The following SIPA1L3 variants were observed in gnomAD, a reference collection of about 807,000 sequenced individuals.
SIPA1L3 encodes the protein signal-induced proliferation-associated 1-like protein 3.
Under a neutral mutation model 150.1 loss-of-function variants are expected in SIPA1L3, and 59 were observed. The observed-to-expected ratio is 0.39, with a 90% CI of 0.32 to 0.49. The LOEUF (loss-of-function observed/expected upper bound fraction) is 0.49. Ranked by LOEUF, SIPA1L3 falls within the 20% of genes least tolerant of loss-of-function variation. SIPA1L3 has a pLI of 0.86. For synonymous variants in SIPA1L3, 1,070 were observed against 1,077.6 expected (o/e 0.99, Z 0.14); for missense variants, 2,211 against 2,489.5 (o/e 0.89, Z 2.38).
intron 9 of SIPA1L3, among the ~76,000 whole-genome samples, chr19:38,124,745 A>G (rs1971130491): frequency 6.6e-6 from 1 of 152,188 alleles, no homozygotes; most frequent in African/African-American, 2.4e-5. Flanking sequence ...TCCGTCTGCA[A>G]TCCCGGCACC....
At chr19:37,917,460 G>C (rs2046423048) in intron 1 of SIPA1L3, among the ~76,000 whole-genome samples, 1 of 152,200 alleles carries the variant, frequency 6.6e-6, no homozygotes, top group Non-Finnish European at 1.5e-5. Context: ...ACTGTGCTTA[G>C]TGTTGGTGGG....
At chr19:37,949,970 G>C (rs1413670927) in intron 1 of SIPA1L3, among the ~76,000 whole-genome samples, 1 of 150,816 alleles carries the variant, frequency 6.6e-6, no homozygotes, top group Admixed American at 6.6e-5. Flanking sequence ...CCAGCTACTC[G>C]GGAGGCTGAG....
chr19:38,162,226 A>C (rs184920505), intron 13 of SIPA1L3, 27 bp from the exon 14 acceptor site: 14 of 1,576,814 alleles, frequency 8.9e-6, no homozygotes, highest in Non-Finnish European at 1.2e-5. Context: ...ACTCCTAACC[A>C]CTGGTGTGTC....
At chr19:38,153,365 C>T (rs1392900323) in intron 13 of SIPA1L3, among the ~76,000 whole-genome samples, 1 of 152,110 alleles carries the variant, frequency 6.6e-6, no homozygotes, top group East Asian at 1.9e-4. Flanking sequence ...TATGGACATA[C>T]GGCACATGTT....
intron 1 of SIPA1L3, among the ~76,000 whole-genome samples, chr19:38,019,388 G>C (rs1280013751): frequency 6.6e-6 from 1 of 152,206 alleles, no homozygotes; most frequent in Non-Finnish European, 1.5e-5. Flanking sequence ...AGTGAGTCTG[G>C]AGTCCAGGTG....
intron 1 of SIPA1L3, among the ~76,000 whole-genome samples, chr19:37,969,142 G>A (rs1436574168): frequency 1.3e-5 from 2 of 152,004 alleles, no homozygotes; most frequent in Non-Finnish European, 2.9e-5. Context: ...GCTGTGGTGA[G>A]AGGATCACTT....
chr19:38,002,175 C>T (rs1006708766), intron 1 of SIPA1L3, among the ~76,000 whole-genome samples: 1 of 152,194 alleles, frequency 6.6e-6, no homozygotes, highest in East Asian at 1.9e-4. Context: ...AACTGAAACT[C>T]TGTCTCTGAA....
At chr19:38,150,077 T>C (rs2145955953) in intron 12 of SIPA1L3, among the ~76,000 whole-genome samples, 1 of 152,320 alleles carries the variant, frequency 6.6e-6, no homozygotes, top group East Asian at 1.9e-4. Flanking sequence ...AAGATGAAGA[T>C]TGCTTATAGT....
chr19:38,117,356 A>C (rs1962866), intron 8 of SIPA1L3, among the ~76,000 whole-genome samples: 60,866 of 152,024 alleles, frequency 0.4, 12,603 homozygotes, highest in East Asian at 0.62. Context: ...GCAGTGGTTC[A>C]TGCCTGTAAT....
chr19:38,081,096 G>C (rs1321216605), intron 2 of SIPA1L3, among the ~76,000 whole-genome samples, 160 bp from the exon 3 acceptor site: 4 of 152,114 alleles, frequency 2.6e-5, no homozygotes, highest in African/African-American at 9.7e-5. Flanking sequence ...GGAGCTGATG[G>C]GTGACTCAGT....
chr19:38,040,077 C>T (rs1180036280), intron 2 of SIPA1L3, among the ~76,000 whole-genome samples: 1 of 152,132 alleles, frequency 6.6e-6, no homozygotes, highest in African/African-American at 2.4e-5. Flanking sequence ...TGTAACACTG[C>T]ACTGCAGCCT....
intron 9 of SIPA1L3, among the ~76,000 whole-genome samples, chr19:38,124,995 A>AGAGAGGGTGAGGGAGACCGTGGGGAGAGG (rs1971138761): frequency 9.7e-6 from 1 of 103,078 alleles, no homozygotes; most frequent in Non-Finnish European, 1.9e-5. Flanking sequence ...GACTGTGGAA[A>AGAGAGGGTGAGGGAGACCGTGGGGAGAGG]GAGAGGGAGA....
chr19:37,994,961 A>T (rs562480271), intron 1 of SIPA1L3, among the ~76,000 whole-genome samples: 1 of 152,294 alleles, frequency 6.6e-6, no homozygotes, highest in East Asian at 1.9e-4. Context: ...CTCTGTGTGC[A>T]GGCGTTTCGT....
intron 1 of SIPA1L3, among the ~76,000 whole-genome samples, chr19:37,985,420 G>T (rs540727105): frequency 2.0e-5 from 3 of 152,026 alleles, no homozygotes; most frequent in Non-Finnish European, 4.4e-5. Flanking sequence ...TCCAGCTACC[G>T]GGGAGGCTGA....
intron 1 of SIPA1L3, among the ~76,000 whole-genome samples, chr19:37,924,797 C>A (rs1239454785): frequency 2.0e-5 from 3 of 151,904 alleles, no homozygotes; most frequent in Non-Finnish European, 4.4e-5. Context: ...GCCTGTAATC[C>A]CAGCACTTTC....
chr19:38,149,921 G>A (rs1056975270), intron 12 of SIPA1L3, among the ~76,000 whole-genome samples: 2 of 152,138 alleles, frequency 1.3e-5, no homozygotes, highest in South Asian at 2.1e-4. Flanking sequence ...CGCCCTCCCC[G>A]GGCTCATCCT....
At chr19:38,038,581 TC>T (rs1394237581) in intron 2 of SIPA1L3, among the ~76,000 whole-genome samples, 2 of 97,076 alleles carry the variant, frequency 2.1e-5, no homozygotes, top group Admixed American at 2.9e-4. Context: ...ACAGCGAGAC[TC>T]CGTCTCAAAA....
chr19:37,932,398 T>G (rs2046562592), intron 1 of SIPA1L3: 1 of 152,282 alleles, frequency 6.6e-6, no homozygotes, highest in Non-Finnish European at 1.5e-5. Context: ...CAGCTTTCTT[T>G]GGGAACGCGC....
In SIPA1L3 at chr19:38,164,746, G is replaced by A. The variant is rs781152414; in HGVS notation, c.4048G>A (p.Ala1350Thr). 4.8e-5 allele frequency: 77 copies of A among 1,612,714 alleles called. 1 individual carries two copies. The South Asian group carries it at 7.5e-4, about 16-fold the overall frequency. ...SMGLCGGGRE[A>T]AGRSHHADRR... is the part of the protein sequence containing the mutation. ...GGGCCTTTGTGGCGGGGGTCGCGAG[G>A]CCGCTGGGAGGTCCCACCACGCAGA... is the stretch of plus-strand genomic sequence containing the variant. The change falls in exon 15 of 22, where the codon GCC (alanine) becomes ACC (threonine). Residue 1350 changes from alanine (A) to threonine (T), a missense_variant. By Grantham distance (58) the Ala-to-Thr change is moderately conservative. Coordinates refer to ENST00000222345, the MANE Select transcript of SIPA1L3 (RefSeq NM_015073.3). This position sits in a 1 kb window ranked among gnomAD's most constrained non-coding sequence, Gnocchi z 4.1.
Sources: allele counts gnomAD v4.1 joint callset (sites outside exome capture counted in the v4.1 genomes callset), GRCh38; gene constraint gnomAD v4.1.1; non-coding constraint Gnocchi (gnomAD v3.1); transcripts MANE v1.5; gene names NCBI Gene and HGNC (gene_info 2026-07-23, HGNC 2026-07-21).